CADPS2: variants seen among roughly 807,000 people sequenced by gnomAD.
The protein encoded by CADPS2 is calcium-dependent secretion activator 2.
Under a neutral mutation model 172.5 loss-of-function variants are expected in CADPS2, and 93 were observed. That is an observed-to-expected ratio of 0.54 (90% CI 0.46 to 0.64). The LOEUF (loss-of-function observed/expected upper bound fraction) is 0.64, where lower values mean the gene tolerates loss of function less well. Among genes scored for constraint, CADPS2 ranks in the 30% least tolerant of loss-of-function variants. The pLI is 0.00. For synonymous variants in CADPS2, 546 were observed against 555.2 expected (o/e 0.98, Z 0.23); for missense variants, 1,420 against 1,565.9 (o/e 0.91, Z 1.57).
intron 2 of CADPS2, among the ~76,000 whole-genome samples, chr7:122,693,112 T>C (rs562505023): frequency 1.3e-5 from 2 of 152,324 alleles, no homozygotes; most frequent in South Asian, 2.1e-4. Context: ...AGCACAGCCA[T>C]GTTCCTTACA....
intron 22 of CADPS2, among the ~76,000 whole-genome samples, chr7:122,392,573 A>G (rs1422282227): frequency 6.6e-6 from 1 of 152,140 alleles, no homozygotes; most frequent in Non-Finnish European, 1.5e-5. Context: ...TGATTCTGCA[A>G]TAGGCAAGCT....
chr7:122,840,000 A>G (rs1219481712), intron 1 of CADPS2, among the ~76,000 whole-genome samples: 1 of 152,232 alleles, frequency 6.6e-6, no homozygotes, highest in Non-Finnish European at 1.5e-5. Flanking sequence ...TTGCGGCACT[A>G]TTCACAATAG....
At chr7:122,627,333 C>T (rs1329960257) in intron 4 of CADPS2, among the ~76,000 whole-genome samples, 1 of 152,190 alleles carries the variant, frequency 6.6e-6, no homozygotes, top group Non-Finnish European at 1.5e-5. Context: ...AAGACGGCTT[C>T]ACTTTGGTGA....
chr7:122,431,221 ATT>A (rs2049867392), intron 17 of CADPS2, among the ~76,000 whole-genome samples: 1 of 152,188 alleles, frequency 6.6e-6, no homozygotes, highest in South Asian at 2.1e-4. Flanking sequence ...TGATAAATTC[ATT>A]TGTTTATCCA....
At chr7:122,546,549 A>ATCCT (rs2063638706) in intron 8 of CADPS2, among the ~76,000 whole-genome samples, 1 of 151,676 alleles carries the variant, frequency 6.6e-6, no homozygotes. Context: ...ACCTCTGCTG[A>ATCCT]TCTTAAGCTT....
At chr7:122,534,400 C>A (rs1448359918) in intron 8 of CADPS2, among the ~76,000 whole-genome samples, 1 of 152,052 alleles carries the variant, frequency 6.6e-6, no homozygotes, top group Non-Finnish European at 1.5e-5. Context: ...AGTAACTACA[C>A]AGAGGAGAGC....
chr7:122,368,988 T>G (rs2041348414), intron 25 of CADPS2, among the ~76,000 whole-genome samples: 1 of 152,152 alleles, frequency 6.6e-6, no homozygotes, highest in Non-Finnish European at 1.5e-5. Context: ...GATCCCACAC[T>G]TCGGTTGGTT....
chr7:122,861,044 G>A (rs1816828239), intron 1 of CADPS2, among the ~76,000 whole-genome samples: 1 of 152,128 alleles, frequency 6.6e-6, no homozygotes, highest in African/African-American at 2.4e-5. Flanking sequence ...TGACTATTGT[G>A]TACAGTACTG....
At chr7:122,376,564 G>A (rs10240886) in intron 25 of CADPS2, among the ~76,000 whole-genome samples, 3,551 of 152,170 alleles carry the variant, frequency 0.023, 136 homozygotes, top group African/African-American at 0.082. Flanking sequence ...GGTTTCTCAG[G>A]GACTGAGGGG....
chr7:122,481,162 C>CTTTTTTTTT (rs35352953), intron 11 of CADPS2, among the ~76,000 whole-genome samples: 2 of 107,544 alleles, frequency 1.9e-5, no homozygotes, highest in African/African-American at 3.6e-5. Flanking sequence ...TTTCTTCATT[C>CTTTTTTTTT]TTTTTTTTTT....
At chr7:122,881,786 A>G (rs531628710) in intron 1 of CADPS2, among the ~76,000 whole-genome samples, 1 of 152,290 alleles carries the variant, frequency 6.6e-6, no homozygotes, top group East Asian at 1.9e-4. Flanking sequence ...ACCAACAGGT[A>G]TTACCATTTT....
At chr7:122,764,083 T>C (rs761667950) in intron 1 of CADPS2, among the ~76,000 whole-genome samples, 2 of 152,152 alleles carry the variant, frequency 1.3e-5, no homozygotes, top group Non-Finnish European at 2.9e-5. Flanking sequence ...GAGCTCCCTC[T>C]GCCTGGTTTG....
chr7:122,499,465 A>G (rs1046109362), intron 9 of CADPS2, among the ~76,000 whole-genome samples: 13 of 152,254 alleles, frequency 8.5e-5, no homozygotes, highest in African/African-American at 2.9e-4. Context: ...TGACCTACGT[A>G]TTTAAAAACA....
intron 19 of CADPS2, 60 bp from the exon 20 acceptor site, chr7:122,407,756 G>A (rs1563261241): frequency 7.2e-7 from 1 of 1,381,762 alleles, no homozygotes; most frequent in Admixed American, 2.1e-5. Context: ...ACATGCACAA[G>A]TACTGTGCCA....
At chr7:122,674,020 G>A (rs1459057771) in intron 2 of CADPS2, among the ~76,000 whole-genome samples, 1 of 152,218 alleles carries the variant, frequency 6.6e-6, no homozygotes, top group East Asian at 1.9e-4. Flanking sequence ...CGGCTCGGGC[G>A]GGCTGGCAGT....
intron 27 of CADPS2, among the ~76,000 whole-genome samples, chr7:122,358,438 T>G (rs2039705133): frequency 6.6e-6 from 1 of 152,174 alleles, no homozygotes; most frequent in African/African-American, 2.4e-5. Context: ...TAACAATGAA[T>G]AAGAGTATAC....
chr7:122,376,814 T>C (rs1027317995), intron 25 of CADPS2, among the ~76,000 whole-genome samples: 6 of 152,140 alleles, frequency 3.9e-5, no homozygotes, highest in Admixed American at 6.6e-5. Flanking sequence ...ATTATAAACT[T>C]ATATGGTTGT....
chr7:122,727,567 ACT>A (rs2091234680), intron 2 of CADPS2, among the ~76,000 whole-genome samples: 2 of 151,694 alleles, frequency 1.3e-5, no homozygotes, highest in African/African-American at 2.4e-5. Context: ...AAAAATTGAC[ACT>A]CTCAGTTTCA....
chr7:122,527,703 G>T (rs1001464474), intron 8 of CADPS2, among the ~76,000 whole-genome samples: 1 of 146,078 alleles, frequency 6.8e-6, no homozygotes, highest in Non-Finnish European at 1.5e-5. Context: ...ATTATGACAC[G>T]TATTTTCCCC....
Sources: gnomAD v4.1 joint callset for allele counts (sites outside exome capture counted in the v4.1 genomes callset) on GRCh38, gnomAD v4.1.1 for gene constraint, MANE v1.5 for transcripts, NCBI Gene and HGNC (gene_info 2026-07-23, HGNC 2026-07-21) for gene names.